Variants in LRMDA observed in about 807,000 individuals in gnomAD.
The protein encoded by LRMDA is leucine rich melanocyte differentiation associated.
Under a neutral mutation model 29.8 loss-of-function variants are expected in LRMDA, and 18 were observed. That is an observed-to-expected ratio of 0.60 (90% CI 0.42 to 0.90). The LOEUF is 0.90. Ranked by LOEUF, LRMDA falls within the 40% of genes least tolerant of loss-of-function variation. The pLI is 0.00. For synonymous variants in LRMDA, 125 were observed against 109.4 expected, an observed-to-expected ratio of 1.14 and a Z score of -0.89; for missense variants, 273 against 273.9, an observed-to-expected ratio of 1.00 and a Z score of 0.02.
intron 2 of LRMDA, among the ~76,000 whole-genome samples, chr10:75,815,324 A>G (rs1844039876): frequency 6.6e-6 from 1 of 152,204 alleles, no homozygotes; most frequent in South Asian, 2.1e-4. Flanking sequence ...GGGGAAACCT[A>G]TTAATTTTGA....
At chr10:75,946,962 G>T (rs1344587973) in intron 2 of LRMDA, among the ~76,000 whole-genome samples, 1 of 152,162 alleles carries the variant, frequency 6.6e-6, no homozygotes, top group Non-Finnish European at 1.5e-5. Flanking sequence ...GAAAGGAACA[G>T]GAAGCCACTG....
In LRMDA at chr10:76,160,971, C is replaced by T. The variant is rs12253687; in HGVS notation, c.516+102188C>T. On this transcript the variant is annotated intron_variant, in intron 5 of 6. Coordinates refer to ENST00000611255, the MANE Select transcript of LRMDA (RefSeq NM_001305581.2). ...TGAGAGTGTGGGGGCCTGAAACACC[C>T]GCAAGCAACCGCAAGGGGTGGGAGG... Among the ~76,000 whole-genome samples, 7 of 152,190 alleles carry T rather than the reference C, an allele frequency of 4.6e-5. No homozygotes were observed. In the South Asian group the frequency reaches 1.0e-3, roughly 23 times the overall value.
intron 2 of LRMDA, among the ~76,000 whole-genome samples, chr10:75,788,416 G>A (rs1227522130): frequency 1.3e-5 from 2 of 152,150 alleles, no homozygotes; most frequent in Non-Finnish European, 2.9e-5. Context: ...CAAGTTTTAA[G>A]CAGGAAGGAA....
At chr10:75,776,307 G>A (rs186694169) in intron 2 of LRMDA, among the ~76,000 whole-genome samples, 47 of 152,304 alleles carry the variant, frequency 3.1e-4, no homozygotes, top group African/African-American at 1.1e-3. Flanking sequence ...CCAGTAGTTC[G>A]CAAGGTTCTA....
intron 6 of LRMDA, among the ~76,000 whole-genome samples, chr10:76,539,984 T>TCACA (rs35952483): frequency 4.4e-4 from 66 of 150,218 alleles, no homozygotes; most frequent in East Asian, 1.4e-3. Flanking sequence ...ATCAACATGT[T>TCACA]CACACACACA....
At chr10:75,947,564 T>C (rs2132416104) in intron 2 of LRMDA, among the ~76,000 whole-genome samples, 1 of 152,300 alleles carries the variant, frequency 6.6e-6, no homozygotes, top group African/African-American at 2.4e-5. Flanking sequence ...TGAGCCTGAC[T>C]TTGAGTCCTG....
chr10:75,795,932 AGTT>A (rs1268197706), intron 2 of LRMDA, among the ~76,000 whole-genome samples: 1 of 152,060 alleles, frequency 6.6e-6, no homozygotes, highest in Non-Finnish European at 1.5e-5. Context: ...GTACAACTTT[AGTT>A]ACTTTTATTA....
chr10:75,749,933 C>T (rs886158585), intron 2 of LRMDA, among the ~76,000 whole-genome samples: 150 of 152,276 alleles, frequency 9.9e-4, no homozygotes, highest in Non-Finnish European at 3.8e-4. Context: ...TTTCAGAGAG[C>T]ACGGGGTTGG....
chr10:75,766,058 G>A (rs1461530410), intron 2 of LRMDA, among the ~76,000 whole-genome samples: 1 of 152,228 alleles, frequency 6.6e-6, no homozygotes, highest in Non-Finnish European at 1.5e-5. Context: ...GTTGGAAGGA[G>A]TGGCTTTTCT....
chr10:75,765,689 T>G (rs922732360), intron 2 of LRMDA, among the ~76,000 whole-genome samples: 1 of 151,750 alleles, frequency 6.6e-6, no homozygotes, highest in African/African-American at 2.4e-5. Flanking sequence ...GACAGCTGAG[T>G]GAAATATACA....
At chr10:75,556,749 A>ATT (rs143334606) in intron 2 of LRMDA, among the ~76,000 whole-genome samples, 10,070 of 142,636 alleles carry the variant, frequency 0.071, 646 homozygotes, top group East Asian at 0.3. Context: ...TGGTTGCATG[A>ATT]TTGTTTTTTT....
At chr10:75,548,994 C>T (rs930478346) in intron 2 of LRMDA, among the ~76,000 whole-genome samples, 4 of 152,050 alleles carry the variant, frequency 2.6e-5, no homozygotes, top group African/African-American at 9.7e-5. Context: ...CCTGTATATC[C>T]ACTGTTTCTG....
chr10:75,756,316 T>C (rs529431167), intron 2 of LRMDA, among the ~76,000 whole-genome samples: 10 of 152,214 alleles, frequency 6.6e-5, no homozygotes, highest in Non-Finnish European at 1.2e-4. Context: ...CCTTTCTTTT[T>C]TGATTCCTCC....
intron 2 of LRMDA, among the ~76,000 whole-genome samples, chr10:76,010,267 G>A (rs949343836): frequency 6.6e-6 from 1 of 151,612 alleles, no homozygotes; most frequent in Non-Finnish European, 1.5e-5. Context: ...TTCCCTAAGT[G>A]CCAGGTCCAT....
chr10:76,477,185 T>C (rs919892337), intron 6 of LRMDA, among the ~76,000 whole-genome samples: 1 of 152,132 alleles, frequency 6.6e-6, no homozygotes, highest in African/African-American at 2.4e-5. Context: ...CTTAAGCTGA[T>C]AAGCAACTTC....
At chr10:76,099,649 C>T (rs953360999) in intron 5 of LRMDA, among the ~76,000 whole-genome samples, 3 of 151,852 alleles carry the variant, frequency 2.0e-5, no homozygotes, top group Non-Finnish European at 4.4e-5. Context: ...TACCTGTGTT[C>T]TTTAGACTTT....
intron 6 of LRMDA, among the ~76,000 whole-genome samples, chr10:76,389,580 A>G (rs1257913000): frequency 6.6e-6 from 1 of 152,164 alleles, no homozygotes; most frequent in Non-Finnish European, 1.5e-5. Flanking sequence ...CCATCTCCAG[A>G]ATCTTTTCAT....
chr10:76,252,990 T>C (rs1852513278), intron 5 of LRMDA, among the ~76,000 whole-genome samples: 1 of 152,092 alleles, frequency 6.6e-6, no homozygotes, highest in African/African-American at 2.4e-5. Flanking sequence ...ATGCAGACAG[T>C]TGTGTATGAG....
chr10:76,157,887 C>G (rs991452847), intron 5 of LRMDA, among the ~76,000 whole-genome samples: 1 of 152,030 alleles, frequency 6.6e-6, no homozygotes, highest in Non-Finnish European at 1.5e-5. Flanking sequence ...ATGGTATAGC[C>G]TATTGCTCCT....
Sources: allele counts gnomAD v4.1 joint callset (sites outside exome capture counted in the v4.1 genomes callset), GRCh38; gene constraint gnomAD v4.1.1; transcripts MANE v1.5; gene names NCBI Gene and HGNC (gene_info 2026-07-23, HGNC 2026-07-21).